The following MECOM variants were observed in gnomAD, a reference collection of about 807,000 sequenced individuals.
The protein encoded by MECOM is histone-lysine N-methyltransferase MECOM.
A neutral mutation model predicts 116.3 loss-of-function variants in MECOM; 13 were observed. That is an observed-to-expected ratio of 0.11 (90% CI 0.07 to 0.18). The LOEUF (loss-of-function observed/expected upper bound fraction) is 0.18. MECOM is among the 10% of genes least tolerant of loss of function. The pLI is 1.00. For missense variants in MECOM, 1,299 were observed against 1,509.0 expected (o/e 0.86, Z 2.31); for synonymous variants, 528 against 535.2 (o/e 0.99, Z 0.19).
intron 1 of MECOM, among the ~76,000 whole-genome samples, chr3:169,621,294 C>G (rs1770688805): frequency 6.6e-6 from 1 of 152,174 alleles, no homozygotes; most frequent in Non-Finnish European, 1.5e-5. Context: ...ATTAATAGCA[C>G]CTGCCTCATT....
chr3:169,533,034 T>A (rs1758854128), intron 1 of MECOM, among the ~76,000 whole-genome samples: 1 of 152,192 alleles, frequency 6.6e-6, no homozygotes, highest in South Asian at 2.1e-4. Flanking sequence ...CTGGCATATA[T>A]ATCACCCTAT....
At chr3:169,575,529 G>A (rs748136059) in intron 1 of MECOM, among the ~76,000 whole-genome samples, 1 of 152,180 alleles carries the variant, frequency 6.6e-6, no homozygotes, top group Non-Finnish European at 1.5e-5. Context: ...AATCAGGGCT[G>A]AGCCAAATGA....
intron 1 of MECOM, among the ~76,000 whole-genome samples, chr3:169,662,461 C>G (rs1560551579): frequency 6.6e-6 from 1 of 152,158 alleles, no homozygotes. Context: ...ACTCCCGGCT[C>G]TCCGAGCGCT....
At chr3:169,378,571 AAAGAAAGAAAGAAAGTAAGT>A (rs1447723282) in intron 2 of MECOM, among the ~76,000 whole-genome samples, 4,052 of 129,936 alleles carry the variant, frequency 0.031, 430 homozygotes, top group Middle Eastern at 0.048. Flanking sequence ...AGAAAGAAAG[AAAGAAAGAAAGAAAGTAAGT>A]AAGTAAGTTT....
At chr3:169,358,393 T>G (rs868057529) in intron 2 of MECOM, among the ~76,000 whole-genome samples, 24 of 151,678 alleles carry the variant, frequency 1.6e-4, no homozygotes, top group African/African-American at 5.8e-4. Flanking sequence ...TTTTTAAAAC[T>G]TAGATAGACC....
chr3:169,626,884 G>A (rs777442860), intron 1 of MECOM, among the ~76,000 whole-genome samples: 10 of 151,564 alleles, frequency 6.6e-5, no homozygotes, highest in Non-Finnish European at 1.2e-4. Context: ...CAAATAAGTG[G>A]GGTTTTCCCT....
intron 2 of MECOM, among the ~76,000 whole-genome samples, chr3:169,241,665 T>C (rs1194304224): frequency 6.6e-6 from 1 of 152,224 alleles, no homozygotes; most frequent in Non-Finnish European, 1.5e-5. Flanking sequence ...TGAAATTTCT[T>C]GTAATTATAC....
At chr3:169,129,941 A>G (rs1734114404) in intron 4 of MECOM, among the ~76,000 whole-genome samples, 1 of 152,236 alleles carries the variant, frequency 6.6e-6, no homozygotes, top group African/African-American at 2.4e-5. Context: ...TCTATCATAT[A>G]GTAGGTGTGC....
chr3:169,592,625 A>G (rs1368912713), intron 1 of MECOM, among the ~76,000 whole-genome samples: 1 of 152,200 alleles, frequency 6.6e-6, no homozygotes, highest in Non-Finnish European at 1.5e-5. Context: ...CTGAAATTCT[A>G]GAATTCTTTC....
At chr3:169,519,610 G>A (rs76485661) in intron 1 of MECOM, among the ~76,000 whole-genome samples, 2,752 of 152,296 alleles carry the variant, frequency 0.018, 30 homozygotes, top group Middle Eastern at 0.037. Flanking sequence ...CTTTTAGGAG[G>A]AGCCCATCTT....
At chr3:169,516,306 G>A (rs939267100) in intron 1 of MECOM, among the ~76,000 whole-genome samples, 12 of 152,102 alleles carry the variant, frequency 7.9e-5, no homozygotes, top group Admixed American at 1.3e-4. Context: ...GTTTTCATAC[G>A]ACATTACCTA....
At chr3:169,124,022 G>A (rs1731965347) in intron 5 of MECOM, among the ~76,000 whole-genome samples, 3 of 151,902 alleles carry the variant, frequency 2.0e-5, no homozygotes, top group Admixed American at 2.0e-4. Flanking sequence ...ATGAAGGGAA[G>A]GTTCTCTACG....
intron 2 of MECOM, among the ~76,000 whole-genome samples, chr3:169,295,147 C>A (rs954076066): frequency 1.5e-4 from 23 of 152,080 alleles, no homozygotes; most frequent in Non-Finnish European, 1.5e-4. Flanking sequence ...TGAGCACAGA[C>A]CTTTGGCTTT....
chr3:169,215,242 C>CAT (rs372556617), intron 2 of MECOM, among the ~76,000 whole-genome samples: 5 of 138,172 alleles, frequency 3.6e-5, no homozygotes, highest in South Asian at 2.2e-4. Flanking sequence ...CTCCTCTTTC[C>CAT]TTTTTTTTTT....
chr3:169,397,298 G>T (rs189621970), intron 1 of MECOM, among the ~76,000 whole-genome samples: 15 of 152,306 alleles, frequency 9.8e-5, no homozygotes, highest in Admixed American at 7.8e-4. Context: ...GACGATGCAG[G>T]AAACAGCTTG....
intron 2 of MECOM, among the ~76,000 whole-genome samples, chr3:169,304,226 T>A (rs1260591218): frequency 6.6e-6 from 1 of 152,222 alleles, no homozygotes; most frequent in African/African-American, 2.4e-5. Flanking sequence ...AAAATAAATG[T>A]CAAAGTGAAG....
At chr3:169,430,728 G>A (rs1172002515) in intron 1 of MECOM, among the ~76,000 whole-genome samples, 2 of 152,286 alleles carry the variant, frequency 1.3e-5, no homozygotes, top group East Asian at 3.9e-4. Flanking sequence ...CTTTAGCCAT[G>A]AGTGCAAAGA....
At chr3:169,128,677 C>A (rs1486565534) in intron 4 of MECOM, among the ~76,000 whole-genome samples, 8 of 152,168 alleles carry the variant, frequency 5.3e-5, no homozygotes, top group Non-Finnish European at 7.3e-5. Context: ...AATAATGGGA[C>A]ACAGGATGTT....
chr3:169,203,913 T>A (rs945760426), intron 2 of MECOM, among the ~76,000 whole-genome samples: 5 of 152,218 alleles, frequency 3.3e-5, no homozygotes, highest in African/African-American at 9.6e-5. Context: ...TCCATGTGAA[T>A]ATCTGCACTT....
Sources: gnomAD v4.1 joint callset for allele counts (sites outside exome capture counted in the v4.1 genomes callset) on GRCh38, gnomAD v4.1.1 for gene constraint, MANE v1.5 for transcripts, NCBI Gene and HGNC (gene_info 2026-07-23, HGNC 2026-07-21) for gene names.